The following CATSPER2 variants were observed in gnomAD, a reference collection of about 807,000 sequenced individuals.
CATSPER2 encodes cation channel sperm associated 2.
A neutral mutation model predicts 68.8 loss-of-function variants in CATSPER2; 56 were observed. The ratio of observed to expected loss-of-function variants is 0.81; its 90% CI spans 0.66 to 1.02. CATSPER2 has a LOEUF of 1.02. Among genes scored for constraint, CATSPER2 ranks in the 50% least tolerant of loss-of-function variants. CATSPER2 has a pLI of 0.00. For synonymous variants in CATSPER2, 198 were observed against 229.9 expected, an observed-to-expected ratio of 0.86 and a Z score of 1.26; for missense variants, 582 against 642.0, an observed-to-expected ratio of 0.91 and a Z score of 1.01.
intron 4 of CATSPER2, among the ~76,000 whole-genome samples, chr15:43,641,515 GAAA>G (rs60797816): frequency 4.3e-5 from 6 of 139,770 alleles, no homozygotes; most frequent in South Asian, 2.3e-4. Context: ...CATACCCTTG[GAAA>G]AAAAAAAAAC....
At chr15:43,647,538 G>C (rs1178030400) in intron 2 of CATSPER2, 71 bp from the exon 3 acceptor site, 1 of 1,437,418 alleles carries the variant, frequency 7.0e-7, no homozygotes, top group Non-Finnish European at 9.8e-7. Context: ...TGGGGGCAGG[G>C]ATACTGGTCA....
In CATSPER2 at chr15:43,630,807, C is replaced by T; in HGVS notation, c.1562-75G>A. On this transcript the variant is annotated intron_variant, in intron 12 of 12. Transcript: ENST00000396879. The stretch of plus-strand genomic sequence containing the variant: ...ATATAAATGTTTGGTGAAGACCTTG[C>T]TTTTCTGGGTTCTAGGTTCCCTCAC... 10 of 1,610,830 alleles carry T rather than the reference C, an allele frequency of 6.2e-6. 1 individual carries two copies. Among genetic ancestry groups the T allele is most frequent in the African/African-American group, 1.3e-5 (1 of 74,876 alleles).
chr15:43,646,957 T>C, intron 4 of CATSPER2, 93 bp downstream of exon 4: 1 of 1,071,912 alleles, frequency 9.3e-7, no homozygotes, highest in African/African-American at 1.6e-5. Flanking sequence ...GCTCCGGCAA[T>C]CCACACGCCC....
rs746372122 is a variant in CATSPER2, at chr15:43,638,998, T to G, written c.748A>C (p.Ile250Leu). The G allele has an allele frequency of 6.2e-7, 1 of 1,612,892 alleles. No homozygotes were observed. The highest frequency in any genetic ancestry group is 1.1e-5 in the South Asian group (1 of 91,018). The part of the protein sequence containing the change: ...SMTFLLMLLL[I>L]FFYIFAVTGV... ...GTCACAGCAAAAATGTAGAAGAAGA[T>G]GAGCAGCAACATCAAGAGGAAGGTC... Residue 250 changes from isoleucine (I) to leucine (L), a missense_variant, in exon 7 of 13, where the codon ATC (isoleucine) becomes CTC (leucine). Ile to Leu is a conservative substitution (Grantham distance 5). This residue lies in a region of CATSPER2 where 91 missense variants were observed against 72.8 expected (regional missense o/e 1.25). Transcript: ENST00000396879.
In CATSPER2 at chr15:43,648,818, C is replaced by T. The variant is rs181750397; in HGVS notation, c.-192G>A. 9,180 of 1,532,672 alleles carry T rather than the reference C, an allele frequency of 6.0e-3. 236 individuals are homozygous for T. Among genetic ancestry groups the T allele is most frequent in the East Asian group, 0.06 (2,409 of 40,298 alleles). The allele number at this position is 1,532,672 out of a possible 1,614,324, so 94.9% of individuals were successfully genotyped here. ...CCCGGGACCCGGCCCTAGCCCCTAC[C>T]CACAGCCCAGGACCATGCGGAGCAA... On this transcript the variant is annotated 5_prime_UTR_variant, in exon 1 of 13. Transcript: ENST00000396879.
intron 1 of CATSPER2, among the ~76,000 whole-genome samples, chr15:43,648,394 G>A (rs1830998989): frequency 6.6e-6 from 1 of 151,978 alleles, no homozygotes; most frequent in Non-Finnish European, 1.5e-5. Context: ...ACAAGGGCAG[G>A]GGCCCGGGGC....
chr15:43,631,112 CACAA>C (rs1267289359), intron 12 of CATSPER2, among the ~76,000 whole-genome samples: 2 of 151,990 alleles, frequency 1.3e-5, no homozygotes, highest in Non-Finnish European at 2.9e-5. Context: ...GCCCACCACA[CACAA>C]ACACACAGTC....
At chr15:43,631,239 T>C (rs2085864973) in intron 12 of CATSPER2, among the ~76,000 whole-genome samples, 1 of 152,022 alleles carries the variant, frequency 6.6e-6, no homozygotes, top group African/African-American at 2.4e-5. Context: ...CTTCTGTTTT[T>C]GGTTTGTCTT....
chr15:43,647,086 C>A lies in CATSPER2; in HGVS notation c.352G>T (p.Val118Phe). Residue 118 changes from valine to phenylalanine, a missense_variant, in exon 4 of 13, where the codon GTC (valine) becomes TTC (phenylalanine). Val to Phe is a conservative substitution (Grantham distance 50, BLOSUM62 -1). This residue lies in a region of CATSPER2 where 197 missense variants were observed against 191.0 expected (regional missense o/e 1.03). Transcript: ENST00000396879. ...ATCAATATGATCGTATTCAAAAAGA[C>A]CAGGAAGATGATGAAGTTTTTGAAG... is the stretch of plus-strand genomic sequence containing the variant. ...PLFKNFIIFL[V>F]FLNTIILMVE... 6.2e-7 allele frequency: 1 copy of A among 1,612,940 alleles called. No homozygotes were observed. Among genetic ancestry groups the A allele is most frequent in the Non-Finnish European group, 8.5e-7 (1 of 1,179,132 alleles).
At position 43,648,718 on chromosome 15, in the gene CATSPER2, G is replaced by A; in HGVS notation, c.-92C>T. 1 of 1,497,718 alleles carries A rather than the reference G, an allele frequency of 6.7e-7. No homozygotes were observed. Among genetic ancestry groups the A allele is most frequent in the Non-Finnish European group, 8.9e-7 (1 of 1,127,922 alleles). The allele number at this position is 1,497,718 out of a possible 1,614,324, so 92.8% of individuals were successfully genotyped here. On this transcript the variant is annotated 5_prime_UTR_variant, in exon 1 of 13. Coordinates refer to ENST00000396879, the MANE Select transcript of CATSPER2 (RefSeq NM_172095.4). ...CCCGAGCCTGGCTACCCCTATGCAA[G>A]ACGAGCTCAGGGCCGGCTCCCAGCC...
chr15:43,631,082 A>T (rs1170844928), intron 12 of CATSPER2, among the ~76,000 whole-genome samples: 4 of 151,880 alleles, frequency 2.6e-5, no homozygotes, highest in African/African-American at 7.3e-5. Context: ...AATATTATAA[A>T]TTCCTCATTT....
At chr15:43,638,286 C>CTTTTTTTTTTTTTTTTTTTTTTTTT (rs71460446) in intron 7 of CATSPER2, among the ~76,000 whole-genome samples, 6 of 81,836 alleles carry the variant, frequency 7.3e-5, no homozygotes, top group East Asian at 4.0e-4. Context: ...TTCTTTCTTT[C>CTTTTTTTTTTTTTTTTTTTTTTTTT]TTTTTTTTTT....
chr15:43,648,037 G>A lies in CATSPER2; in HGVS notation c.25C>T (p.Gln9Ter). 2.5e-6 allele frequency: 4 copies of A among 1,613,690 alleles called. No homozygotes were observed. The highest frequency in any genetic ancestry group is 1.1e-5 in the South Asian group (1 of 91,040). Residue 9 changes from glutamine to a stop codon, truncating the protein, a stop_gained, in exon 2 of 13, where the codon CAG (glutamine) becomes TAG (stop). Coordinates refer to ENST00000396879, the MANE Select transcript of CATSPER2 (RefSeq NM_172095.4). LOFTEE classifies it high-confidence loss of function. MAAYQQEE[Q>*]MQLPRADAIR... is the part of the protein sequence containing the mutation. ...GCATCAGCTCGGGGAAGCTGCATCT[G>A]CTCTTCTTGTTGGTAAGCGGCCATG...
rs1484374355 is a variant in CATSPER2 at position 43,639,765 on chromosome 15, C to A, written c.595G>T (p.Val199Leu). Residue 199 changes from valine to leucine, a missense_variant, in exon 6 of 13, where the codon GTA (valine) becomes TTA (leucine). This residue lies in a region of CATSPER2 where 45 missense variants were observed against 80.2 expected (regional missense o/e 0.56). Transcript: ENST00000396879. The stretch of plus-strand genomic sequence containing the variant: ...TGAAGCCACACCGATTGGCCTGTTA[C>A]CCCTACCAATACCACAACCTCGGGA... ...LLPEVVVLVG[V>L]TGQSVWLQLL... is the part of the protein sequence containing the mutation. 1.9e-6 allele frequency: 3 copies of A among 1,611,910 alleles called. No individual in the cohort carries two copies. The highest frequency in any genetic ancestry group is 2.2e-5 in the South Asian group (2 of 90,984).
At chr15:43,636,543 A>C (rs551743417) in intron 7 of CATSPER2, among the ~76,000 whole-genome samples, 11 of 151,758 alleles carry the variant, frequency 7.2e-5, no homozygotes, top group African/African-American at 2.4e-4. Context: ...GGCATGCACC[A>C]CCACGCCCAG....
rs1487592077 is a variant in CATSPER2 at position 43,629,431 on chromosome 15, T to C, written c.*1270A>G. 1 of 128,640 alleles carries C rather than the reference T, an allele frequency of 7.8e-6. No individual in the cohort carries two copies. The highest frequency in any genetic ancestry group is 1.5e-5 in the Non-Finnish European group (1 of 64,892). The allele number at this position is 128,640 out of a possible 1,614,324, so 8.0% of individuals were successfully genotyped here. On this transcript the variant is annotated 3_prime_UTR_variant, in exon 13 of 13. Coordinates refer to ENST00000396879, the MANE Select transcript of CATSPER2 (RefSeq NM_172095.4). Reference sequence around the variant, plus strand: ...GCCTTAGTTTTCTGATCTCTAAAAATGTGACGCTATCTTCCATATATGATT... The same window carrying C: ...GCCTTAGTTTTCTGATCTCTAAAAACGTGACGCTATCTTCCATATATGATT...
intron 4 of CATSPER2, among the ~76,000 whole-genome samples, chr15:43,643,212 T>C (rs1340863804): frequency 1.3e-5 from 2 of 152,004 alleles, no homozygotes; most frequent in African/African-American, 2.4e-5. Flanking sequence ...GAGTCCAATA[T>C]TATAGGTGAG....
intron 10 of CATSPER2, chr15:43,633,922 G>A: frequency 6.6e-6 from 1 of 151,056 alleles, no homozygotes; most frequent in Non-Finnish European, 1.5e-5. Flanking sequence ...TCGTGCCACT[G>A]CACTCCAGCC....
rs774770145 is a variant in CATSPER2, at chr15:43,632,769, G to A, written c.1344C>T (p.Ser448=). The A allele has an allele frequency of 1.9e-5, 31 of 1,613,560 alleles. No individual in the cohort carries two copies. The Admixed American group carries it at 4.8e-4, about 25-fold the overall frequency. Residue 448 remains serine, a synonymous_variant, in exon 11 of 13, where the codon TCC becomes TCT. Transcript: ENST00000396879. The part of the protein sequence containing the change: ...REYQSSSCVS[S]TSSSYSSSSE... ...AAGAGGAAGAATAGGAAGAGGATGTGGAGGAGACACAGGAGGAAGACTGGT... is the reference window on the plus strand; with the variant it reads ...AAGAGGAAGAATAGGAAGAGGATGTAGAGGAGACACAGGAGGAAGACTGGT...
Sources: gnomAD v4.1 joint callset for allele counts (sites outside exome capture counted in the v4.1 genomes callset) on GRCh38, gnomAD v4.1.1 for gene constraint, gnomAD v4.1.1 regional missense constraint, MANE v1.5 for transcripts, NCBI Gene and HGNC (gene_info 2026-07-23, HGNC 2026-07-21) for gene names.